Variants in ANO3 observed in about 807,000 individuals in gnomAD.
ANO3 encodes anoctamin 3, also known as anoctamin-3.
ANO3 carries 99 observed loss-of-function variants against 144.8 expected under a neutral mutation model. The ratio of observed to expected loss-of-function variants is 0.68; its 90% CI spans 0.58 to 0.81. ANO3 has a LOEUF of 0.81. ANO3 is among the 30% of genes least tolerant of loss of function. The pLI, the probability that ANO3 is intolerant of heterozygous loss-of-function variation, is 0.00. For missense variants in ANO3, 905 were observed against 1,202.2 expected (o/e 0.75, Z 3.66); for synonymous variants, 414 against 392.6 (o/e 1.05, Z -0.64).
rs1395616272 is a variant in ANO3 at position 26,642,004 on chromosome 11, A to T, written c.2250A>T (p.Gly750=). ...ATCTGCAGCCCATGAACCTTCATGG[A>T]CTGATGGATGAGTACTTAGAAATGG... The part of the protein sequence containing the change: ...DWNLQPMNLH[G]LMDEYLEMVL... Residue 750 remains glycine, a synonymous_variant, in exon 22 of 27, where the codon GGA becomes GGT. Transcript: ENST00000256737. The T allele has an allele frequency of 1.1e-5, 17 of 1,613,836 alleles. No individual in the cohort carries two copies. Among genetic ancestry groups the T allele is most frequent in the Non-Finnish European group, 1.4e-5 (16 of 1,179,842 alleles).
Position 26,579,076 on chromosome 11 carries a change from G to T in ANO3, c.1448-19289G>T, listed in dbSNP as rs889685022. Among the ~76,000 whole-genome samples the T allele has an allele frequency of 2.0e-5, 3 of 152,100 alleles. No homozygotes were observed. In the South Asian group the frequency reaches 6.2e-4, roughly 31 times the overall value. On this transcript the variant is annotated intron_variant, in intron 14 of 26. Coordinates refer to ENST00000256737, the MANE Select transcript of ANO3 (RefSeq NM_031418.4). ...ACATGGACTTAACTTATTAAGTGAG[G>T]TTACAACCAGGCATACATATATTGA... is the stretch of plus-strand genomic sequence containing the variant.
chr11:26,661,082 T>C lies in ANO3; in HGVS notation c.*638T>C, dbSNP rs1163634616. On this transcript the variant is annotated 3_prime_UTR_variant, in exon 27 of 27. Transcript: ENST00000256737. ...TAGTAGTCAAACCAAAAATCTAAGA[T>C]TCCAAAAAGAACAGCATTCATTGAA... 1 of 152,528 alleles carries C rather than the reference T, an allele frequency of 6.6e-6. No individual in the cohort carries two copies. The highest frequency in any genetic ancestry group is 1.5e-5 in the Non-Finnish European group (1 of 68,014). 9.4% of individuals were successfully genotyped at this position (152,528 alleles called of 1,614,324 possible).
chr11:26,226,204 A>G (rs1328978501), intron 1 of ANO3, among the ~76,000 whole-genome samples: 1 of 152,070 alleles, frequency 6.6e-6, no homozygotes, highest in Non-Finnish European at 1.5e-5. Flanking sequence ...GGCAAATTAC[A>G]TTTCAACAGA....
intron 4 of ANO3, among the ~76,000 whole-genome samples, chr11:26,480,816 T>TATAAATAAATAA (rs549373673): frequency 5.5e-4 from 83 of 151,302 alleles, no homozygotes; most frequent in Admixed American, 1.3e-3. Flanking sequence ...TCAAAAACAA[T>TATAAATAAATAA]ATAAATAAAT....
chr11:26,497,736 G>GAT (rs1861024931), intron 4 of ANO3, among the ~76,000 whole-genome samples: 1 of 151,906 alleles, frequency 6.6e-6, no homozygotes, highest in South Asian at 2.1e-4. Context: ...TGGCATTTAT[G>GAT]ATAGCAAGCA....
At chr11:26,572,573 T>C (rs1850870608) in intron 14 of ANO3, among the ~76,000 whole-genome samples, 1 of 152,080 alleles carries the variant, frequency 6.6e-6, no homozygotes, top group African/African-American at 2.4e-5. Flanking sequence ...ATAAACAATT[T>C]TTCTGTACTC....
chr11:26,636,301 C>T (rs1365145923), intron 20 of ANO3, among the ~76,000 whole-genome samples: 1 of 152,028 alleles, frequency 6.6e-6, no homozygotes, highest in Non-Finnish European at 1.5e-5. Flanking sequence ...TTAATGATAG[C>T]CATAATTACA....
chr11:26,359,489 A>G (rs1227894052), intron 1 of ANO3, among the ~76,000 whole-genome samples: 1 of 152,148 alleles, frequency 6.6e-6, no homozygotes, highest in Non-Finnish European at 1.5e-5. Flanking sequence ...ACACGTATGT[A>G]CATGTATATA....
upstream of ANO3, among the ~76,000 whole-genome samples, chr11:26,330,334 A>G (rs953872189): frequency 3.3e-5 from 5 of 152,172 alleles, no homozygotes; most frequent in African/African-American, 1.2e-4. Context: ...GCCCTCATCT[A>G]TACAATATCT....
At chr11:26,652,809 A>G (rs1273989807) in intron 24 of ANO3, among the ~76,000 whole-genome samples, 4 of 152,172 alleles carry the variant, frequency 2.6e-5, no homozygotes, top group African/African-American at 7.2e-5. Context: ...TGTATGCCCC[A>G]TGGCTCCGTT....
chr11:26,539,354 C>T (rs185111920), intron 10 of ANO3, among the ~76,000 whole-genome samples: 193 of 152,052 alleles, frequency 1.3e-3, no homozygotes, highest in African/African-American at 4.6e-3. Flanking sequence ...CACTTCGGTC[C>T]GTTTTCTCTT....
intron 13 of ANO3, among the ~76,000 whole-genome samples, chr11:26,558,675 A>G (rs944239710): frequency 1.3e-5 from 2 of 152,194 alleles, no homozygotes; most frequent in Non-Finnish European, 2.9e-5. Context: ...ATTATCAATA[A>G]TGCCACATTA....
At chr11:26,584,648 A>G (rs996986257) in intron 14 of ANO3, among the ~76,000 whole-genome samples, 1 of 152,242 alleles carries the variant, frequency 6.6e-6, no homozygotes, top group South Asian at 2.1e-4. Context: ...AGTAAAAATC[A>G]TGTATAAGAA....
chr11:26,571,264 T>C (rs1378472866), intron 14 of ANO3, among the ~76,000 whole-genome samples: 1 of 152,100 alleles, frequency 6.6e-6, no homozygotes, highest in Non-Finnish European at 1.5e-5. Flanking sequence ...TACTGTAATG[T>C]CTATAGGAGC....
chr11:26,421,600 G>T (rs1055958564), intron 1 of ANO3, among the ~76,000 whole-genome samples: 8 of 151,892 alleles, frequency 5.3e-5, no homozygotes, highest in African/African-American at 1.9e-4. Context: ...ATAATATCAA[G>T]GTATCTTGCT....
chr11:26,595,787 C>G (rs1851608740), intron 14 of ANO3, among the ~76,000 whole-genome samples: 1 of 152,160 alleles, frequency 6.6e-6, no homozygotes, highest in African/African-American at 2.4e-5. Flanking sequence ...AACAGAATAG[C>G]CGCATACTTT....
chr11:26,464,596 TGACTA>T (rs994321038), intron 4 of ANO3, among the ~76,000 whole-genome samples: 4 of 151,864 alleles, frequency 2.6e-5, no homozygotes, highest in Admixed American at 6.6e-5. Context: ...AGTTCCACTT[TGACTA>T]GACTAGAACT....
intron 20 of ANO3, among the ~76,000 whole-genome samples, chr11:26,637,933 A>G (rs972703526): frequency 6.6e-6 from 1 of 152,220 alleles, no homozygotes; most frequent in Non-Finnish European, 1.5e-5. Context: ...TATCTTGAAT[A>G]CTGCAAAGTT....
At chr11:26,478,262 C>A (rs1287176149) in intron 4 of ANO3, among the ~76,000 whole-genome samples, 1 of 152,088 alleles carries the variant, frequency 6.6e-6, no homozygotes, top group African/African-American at 2.4e-5. Context: ...GTTTGGAGAG[C>A]CCCAGTATCT....
Sources: allele counts gnomAD v4.1 joint callset (sites outside exome capture counted in the v4.1 genomes callset), GRCh38; gene constraint gnomAD v4.1.1; transcripts MANE v1.5; gene names NCBI Gene and HGNC (gene_info 2026-07-23, HGNC 2026-07-21).